The following FHIP2B variants were observed in gnomAD, a reference collection of about 807,000 sequenced individuals.
FHIP2B encodes FHF complex subunit HOOK interacting protein 2B, also known as FHF complex subunit HOOK-interacting protein 2B.
In FHIP2B, 72 loss-of-function variants were observed where a neutral mutation model predicts 84.0. The ratio of observed to expected loss-of-function variants is 0.86; its 90% CI spans 0.71 to 1.04. FHIP2B has a LOEUF of 1.04. Among genes scored for constraint, FHIP2B ranks in the 50% least tolerant of loss-of-function variants. The pLI is 0.00. For missense variants in FHIP2B, 972 were observed against 968.9 expected, an observed-to-expected ratio of 1.00 and a Z score of -0.04; for synonymous variants, 497 against 418.7, an observed-to-expected ratio of 1.19 and a Z score of -2.28.
chr8:22,099,646 C>A, intron 9 of FHIP2B, 58 bp from the exon 10 acceptor site: 4 of 1,505,266 alleles, frequency 2.7e-6, no homozygotes, highest in South Asian at 1.3e-5. Flanking sequence ...GTTCGGCCAC[C>A]CGCACTCATG....
intron 14 of FHIP2B, 73 bp from the exon 15 acceptor site, chr8:22,102,102 C>T: frequency 2.5e-6 from 4 of 1,609,920 alleles, no homozygotes; most frequent in Non-Finnish European, 3.4e-6. Context: ...AGTGGCCAGG[C>T]ACCTTGCTGG....
At chr8:22,102,729 G>A in intron 16 of FHIP2B, 64 bp from the exon 17 acceptor site, 2 of 1,605,260 alleles carry the variant, frequency 1.2e-6, no homozygotes, top group Non-Finnish European at 1.7e-6. Context: ...GTGGATGCTG[G>A]GCTGTCATGC....
chr8:22,096,640 T>C (rs1395988948), intron 3 of FHIP2B, 131 bp downstream of exon 3: 5 of 1,318,302 alleles, frequency 3.8e-6, no homozygotes, highest in Non-Finnish European at 5.0e-6. Flanking sequence ...TGGGCCAGGC[T>C]GAGGTGGGCG....
chr8:22,102,936 G>C lies in FHIP2B; in HGVS notation c.*5G>C, dbSNP rs1229913110. The C allele has an allele frequency of 6.2e-7, 1 of 1,612,442 alleles. No individual in the cohort carries two copies. The highest frequency in any genetic ancestry group is 1.3e-5 in the African/African-American group (1 of 74,922). On this transcript the variant is annotated 3_prime_UTR_variant, in exon 17 of 17. Coordinates refer to ENST00000289921, the MANE Select transcript of FHIP2B (RefSeq NM_022749.7). ...GCCCCGGAAGGGCAGGTCTGAGCCA[G>C]CACCAGGGCGGTGGGAGACTCCTGT...
intron 1 of FHIP2B, among the ~76,000 whole-genome samples, 197 bp downstream of exon 1, chr8:22,089,495 C>G (rs1406725037): frequency 6.6e-6 from 1 of 151,832 alleles, no homozygotes; most frequent in East Asian, 1.9e-4. Flanking sequence ...AGTCCCGCTC[C>G]CAGACTCCTC....
At chr8:22,091,240 CTTTTTTTTTTTT>C (rs71204535) in intron 1 of FHIP2B, among the ~76,000 whole-genome samples, 3 of 117,708 alleles carry the variant, frequency 2.5e-5, no homozygotes, top group African/African-American at 6.1e-5. Context: ...ATCATTACAG[CTTTTTTTTTTTT>C]TTTTTTTTTT....
chr8:22,099,068 C>A lies in FHIP2B; in HGVS notation c.1074+12C>A. ...CAGAGGCACACACGGTGAGCAGGGG[C>A]GGGCGGAGGCCGGGCTCTCATGCTG... On this transcript the variant is annotated intron_variant, in intron 8 of 16. Coordinates refer to ENST00000289921, the MANE Select transcript of FHIP2B (RefSeq NM_022749.7). 6.3e-7 allele frequency: 1 copy of A among 1,576,924 alleles called. No homozygotes were observed. Among genetic ancestry groups the A allele is most frequent in the Non-Finnish European group, 8.6e-7 (1 of 1,159,238 alleles).
chr8:22,096,286 C>G (rs1825760394), intron 2 of FHIP2B, 51 bp from the exon 3 acceptor site: 1 of 1,450,526 alleles, frequency 6.9e-7, no homozygotes, highest in African/African-American at 1.4e-5. Context: ...AGTTTTCAAG[C>G]CGGGGTGCCC....
chr8:22,090,079 A>G, intron 1 of FHIP2B, among the ~76,000 whole-genome samples: 1 of 137,160 alleles, frequency 7.3e-6, no homozygotes, highest in Non-Finnish European at 1.5e-5. Flanking sequence ...GCAGGCTGGC[A>G]GGCAGCCTAC....
intron 12 of FHIP2B, 128 bp from the exon 13 acceptor site, chr8:22,101,312 C>T (rs1043336837): frequency 3.0e-5 from 22 of 723,402 alleles, no homozygotes; most frequent in Admixed American, 1.5e-4. Flanking sequence ...CATGAGCCAC[C>T]GTGCCTGCCC....
intron 2 of FHIP2B, chr8:22,095,807 A>G (rs1825736042): frequency 6.6e-6 from 1 of 152,348 alleles, no homozygotes; most frequent in Non-Finnish European, 1.5e-5. Flanking sequence ...GGGCGTTGGT[A>G]CAGGGAGCAG....
At chr8:22,094,240 GC>G (rs1156992558) in intron 1 of FHIP2B, among the ~76,000 whole-genome samples, 199 bp from the exon 2 acceptor site, 1 of 152,192 alleles carries the variant, frequency 6.6e-6, no homozygotes, top group African/African-American at 2.4e-5. Context: ...AGGGAGAAGT[GC>G]CTGTCAGGAG....
rs888955545 is a variant in FHIP2B, at chr8:22,104,548, TC to T, written c.*1619del. 1 of 152,120 alleles carries T rather than the reference TC, an allele frequency of 6.6e-6. No individual in the cohort carries two copies. The highest frequency in any genetic ancestry group is 2.4e-5 in the African/African-American group (1 of 41,402). The allele number at this position is 152,120 out of a possible 1,614,324, so 9.4% of individuals were successfully genotyped here. ...GGCTCTGGCAGTGCAGATCTGCTGA[TC>T]CTCAGCGCCTGCCAGGAGCCAGACT... is the stretch of plus-strand genomic sequence containing the variant. On this transcript the variant is annotated 3_prime_UTR_variant, in exon 17 of 17. Transcript: ENST00000289921.
intron 1 of FHIP2B, among the ~76,000 whole-genome samples, chr8:22,091,486 C>T (rs1050053657): frequency 3.3e-5 from 5 of 152,124 alleles, no homozygotes; most frequent in Non-Finnish European, 7.4e-5. Context: ...TTAAGTGATC[C>T]ACCTGCCTTG....
At chr8:22,092,562 ACT>A (rs1196930913) in intron 1 of FHIP2B, among the ~76,000 whole-genome samples, 1 of 55,138 alleles carries the variant, frequency 1.8e-5, no homozygotes, top group Non-Finnish European at 3.2e-5. Flanking sequence ...TGACGGTGAG[ACT>A]CTTTTTTTTT....
intron 16 of FHIP2B, 49 bp from the exon 17 acceptor site, chr8:22,102,744 C>T (rs1826198078): frequency 6.2e-7 from 1 of 1,606,856 alleles, no homozygotes; most frequent in Non-Finnish European, 8.5e-7. Context: ...TCATGCTGGG[C>T]ACAGTCCTGC....
At chr8:22,089,406 C>CT in intron 1 of FHIP2B, 108 bp downstream of exon 1, 1 of 632,412 alleles carries the variant, frequency 1.6e-6, no homozygotes, top group Non-Finnish European at 2.0e-6. Context: ...GGCGCGGGCC[C>CT]CCTCGGGCAG....
Position 22,104,235 on chromosome 8 carries a change from C to T in FHIP2B, c.*1304C>T, listed in dbSNP as rs1328818049. 1.3e-5 allele frequency: 2 copies of T among 152,344 alleles called. No individual in the cohort carries two copies. Among genetic ancestry groups the T allele is most frequent in the East Asian group, 1.9e-4 (1 of 5,170 alleles). The allele number at this position is 152,344 out of a possible 1,614,324, so 9.4% of individuals were successfully genotyped here. A position where few individuals can be genotyped will look rare whatever the true frequency, so the allele number is the denominator to read the frequency against. On this transcript the variant is annotated 3_prime_UTR_variant, in exon 17 of 17. Coordinates refer to ENST00000289921, the MANE Select transcript of FHIP2B (RefSeq NM_022749.7). ...TTGGTGTGGACGGGGCGCAGATCTC[C>T]GTGGATGAACTGCGTCTGGACTCTT...
In FHIP2B at chr8:22,099,311, G is replaced by A. The variant is rs886921285; in HGVS notation, c.1102G>A (p.Val368Met). The change falls in exon 9 of 17, where the codon GTG becomes ATG. Residue 368 changes from valine (V) to methionine (M), a missense_variant. Physicochemically the swap from Val to Met is conservative, Grantham distance 21. Coordinates refer to ENST00000289921, the MANE Select transcript of FHIP2B (RefSeq NM_022749.7). ...TVVADALAKA[V>M]AENFFVETLQ... The stretch of plus-strand genomic sequence containing the variant: ...GGTTGCGGACGCCTTGGCGAAGGCT[G>A]TGGCTGAGAACTTCTTCGTGGAGAC... 9 of 1,613,710 alleles carry A rather than the reference G, an allele frequency of 5.6e-6. No homozygotes were observed. The Admixed American group carries it at 1.0e-4, about 18-fold the overall frequency.
Sources: gnomAD v4.1 joint callset for allele counts (sites outside exome capture counted in the v4.1 genomes callset) on GRCh38, gnomAD v4.1.1 for gene constraint, MANE v1.5 for transcripts, NCBI Gene and HGNC (gene_info 2026-07-23, HGNC 2026-07-21) for gene names.